Variants in SHISA9 observed in about 807,000 individuals in gnomAD.
SHISA9 encodes protein shisa-9.
In SHISA9, 13 loss-of-function variants were observed where a neutral mutation model predicts 38.0. That is an observed-to-expected ratio of 0.34 (90% CI 0.22 to 0.54). The LOEUF is 0.54. Among genes scored for constraint, SHISA9 ranks in the 20% least tolerant of loss-of-function variants. The pLI is 0.91. For missense variants in SHISA9, 538 were observed against 575.8 expected, an observed-to-expected ratio of 0.93 and a Z score of 0.67; for synonymous variants, 275 against 242.0, an observed-to-expected ratio of 1.14 and a Z score of -1.27.
the SHISA9 span, among the ~76,000 whole-genome samples, chr16:13,401,111 CA>C: frequency 6.6e-6 from 1 of 152,188 alleles, no homozygotes; most frequent in Non-Finnish European, 1.5e-5. Flanking sequence ...GTGAGATGAC[CA>C]TCCCACAGAA....
the SHISA9 span, among the ~76,000 whole-genome samples, chr16:13,558,004 T>G: frequency 0.019 from 2,930 of 152,260 alleles, 96 homozygotes; most frequent in African/African-American, 0.067. Context: ...AAGGGTGTAG[T>G]GAGCTATAAC....
At chr16:13,019,960 C>G (rs1332063325) in intron 2 of SHISA9, among the ~76,000 whole-genome samples, 10 of 75,782 alleles carry the variant, frequency 1.3e-4, no homozygotes, top group Non-Finnish European at 2.2e-4. Context: ...TCTTTCTTTC[C>G]CTCCTTCTTT....
At chr16:12,913,892 C>G (rs1460197720) in intron 1 of SHISA9, among the ~76,000 whole-genome samples, 1 of 152,022 alleles carries the variant, frequency 6.6e-6, no homozygotes, top group Non-Finnish European at 1.5e-5. Flanking sequence ...TAACACATCT[C>G]GTGTGTCCAT....
intron 2 of SHISA9, among the ~76,000 whole-genome samples, chr16:12,940,099 G>A (rs769736594): frequency 2.1e-4 from 32 of 152,194 alleles, no homozygotes; most frequent in Non-Finnish European, 2.9e-4. Context: ...CCCTGCTGGG[G>A]AGGAGAGAAT....
At chr16:13,010,750 G>A (rs772842480) in intron 2 of SHISA9, among the ~76,000 whole-genome samples, 7 of 152,122 alleles carry the variant, frequency 4.6e-5, no homozygotes, top group Non-Finnish European at 1.0e-4. Context: ...TCAGGAGTTC[G>A]AGACCGGTCT....
chr16:12,955,755 C>G (rs2071824530), intron 2 of SHISA9, among the ~76,000 whole-genome samples: 1 of 151,860 alleles, frequency 6.6e-6, no homozygotes, highest in Admixed American at 6.6e-5. Context: ...CAAAAATTAA[C>G]TCAAGATGAA....
chr16:13,348,570 T>C, the SHISA9 span, among the ~76,000 whole-genome samples: 29 of 151,794 alleles, frequency 1.9e-4, no homozygotes, highest in South Asian at 5.8e-3. Flanking sequence ...CTGTAACCAA[T>C]CAAGCAGCAG....
At chr16:13,394,672 A>G in the SHISA9 span, among the ~76,000 whole-genome samples, 4 of 152,304 alleles carry the variant, frequency 2.6e-5, no homozygotes, top group Middle Eastern at 3.4e-3. Context: ...TGGCCCTGCA[A>G]TGTACTCTCT....
the SHISA9 span, among the ~76,000 whole-genome samples, chr16:13,532,898 A>G: frequency 6.6e-6 from 1 of 152,150 alleles, no homozygotes; most frequent in Non-Finnish European, 1.5e-5. Context: ...ATATCCACAT[A>G]AATTATCCAT....
chr16:13,194,723 CAAG>C (rs1251367301), intron 2 of SHISA9, among the ~76,000 whole-genome samples: 2 of 152,102 alleles, frequency 1.3e-5, no homozygotes, highest in African/African-American at 4.8e-5. Flanking sequence ...CTCAGGAAGA[CAAG>C]AAGAGAAAAA....
Position 13,179,964 on chromosome 16 carries a change from A to G in SHISA9, c.692-23430A>G, listed in dbSNP as rs146478408. ...AGGCTGATCTGGACCCAGGGCATTG[A>G]TGATGGTTTTACAATGTGAGAGAGC... On this transcript the variant is annotated intron_variant, in intron 2 of 4. Coordinates refer to ENST00000558583, the MANE Select transcript of SHISA9 (RefSeq NM_001145204.3). Among the ~76,000 whole-genome samples, 843 of 152,278 alleles carry G rather than the reference A, an allele frequency of 5.5e-3. 2 individuals carry two copies. The highest frequency in any genetic ancestry group is 9.2e-3 in the Non-Finnish European group (629 of 68,026).
At chr16:13,348,233 G>A in the SHISA9 span, among the ~76,000 whole-genome samples, 8 of 151,954 alleles carry the variant, frequency 5.3e-5, no homozygotes, top group Admixed American at 1.3e-4. Context: ...TTGAATATTT[G>A]CATTAGATTT....
the SHISA9 span, among the ~76,000 whole-genome samples, chr16:13,420,885 A>G: frequency 6.6e-6 from 1 of 152,200 alleles, no homozygotes; most frequent in Non-Finnish European, 1.5e-5. Context: ...CCTCTCACGT[A>G]GACATTGATT....
chr16:13,021,870 T>C (rs2072859116), intron 2 of SHISA9, among the ~76,000 whole-genome samples: 3 of 152,200 alleles, frequency 2.0e-5, no homozygotes, highest in Non-Finnish European at 4.4e-5. Context: ...AGAGAAAGCA[T>C]AGTAGTGTCC....
At chr16:12,935,790 A>C (rs2071523181) in intron 2 of SHISA9, among the ~76,000 whole-genome samples, 1 of 150,916 alleles carries the variant, frequency 6.6e-6, no homozygotes. Context: ...TTGAGGCTGC[A>C]GTAAGCAGAG....
chr16:13,373,656 G>A, the SHISA9 span, among the ~76,000 whole-genome samples: 1 of 151,802 alleles, frequency 6.6e-6, no homozygotes, highest in Non-Finnish European at 1.5e-5. Context: ...TAGCTACTCA[G>A]GAGACTGACA....
chr16:13,311,458 C>A, the SHISA9 span, among the ~76,000 whole-genome samples: 7 of 152,144 alleles, frequency 4.6e-5, no homozygotes, highest in Non-Finnish European at 1.0e-4. Flanking sequence ...TCAAGCCCAG[C>A]CCCATGTAGA....
intron 2 of SHISA9, among the ~76,000 whole-genome samples, chr16:13,155,065 G>A (rs574413967): frequency 5.3e-5 from 8 of 152,344 alleles, no homozygotes; most frequent in Admixed American, 1.3e-4. Flanking sequence ...ATAATGACAT[G>A]GGATGAAATA....
chr16:13,500,954 A>C, the SHISA9 span, among the ~76,000 whole-genome samples: 1 of 152,192 alleles, frequency 6.6e-6, no homozygotes, highest in African/African-American at 2.4e-5. Context: ...GTTTTACCCA[A>C]GAATAAATTC....
Sources: gnomAD v4.1 joint callset for allele counts (sites outside exome capture counted in the v4.1 genomes callset) on GRCh38, gnomAD v4.1.1 for gene constraint, MANE v1.5 for transcripts, NCBI Gene and HGNC (gene_info 2026-07-23, HGNC 2026-07-21) for gene names.